SATB2: variants seen among roughly 807,000 people sequenced by gnomAD.
The protein encoded by SATB2 is DNA-binding protein SATB2.
A neutral mutation model predicts 73.4 loss-of-function variants in SATB2; 1 was observed. The ratio of observed to expected loss-of-function variants is 0.01; its 90% CI spans 0.00 to 0.06. The LOEUF (loss-of-function observed/expected upper bound fraction) is 0.06, where lower values mean the gene tolerates loss of function less well. Among genes scored for constraint, SATB2 ranks in the 10% least tolerant of loss-of-function variants. The pLI is 1.00. For synonymous variants in SATB2, 397 were observed against 367.0 expected (o/e 1.08, Z -0.93); for missense variants, 459 against 945.8 (o/e 0.49, Z 6.75).
intron 3 of SATB2, among the ~76,000 whole-genome samples, chr2:199,402,846 A>C (rs1690522929): frequency 6.6e-6 from 1 of 152,220 alleles, no homozygotes; most frequent in Non-Finnish European, 1.5e-5. Context: ...CTCAGATCTA[A>C]CAGTCTTGTC....
At chr2:199,333,285 G>C (rs1688241533) in intron 7 of SATB2, among the ~76,000 whole-genome samples, 1 of 152,092 alleles carries the variant, frequency 6.6e-6, no homozygotes, top group South Asian at 2.1e-4. Flanking sequence ...TGATGGGAAG[G>C]AGAAGGTATT....
chr2:199,371,637 T>C (rs1179785691), intron 5 of SATB2, among the ~76,000 whole-genome samples: 1 of 152,226 alleles, frequency 6.6e-6, no homozygotes, highest in African/African-American at 2.4e-5. Flanking sequence ...TTTTGCTTTT[T>C]AAAATACATA....
chr2:199,400,406 T>C (rs900868297), intron 3 of SATB2, among the ~76,000 whole-genome samples: 4 of 152,230 alleles, frequency 2.6e-5, no homozygotes, highest in African/African-American at 9.6e-5. Flanking sequence ...TTATTAGCCA[T>C]GTGTATTTAT....
chr2:199,295,904 T>A (rs748113894), intron 10 of SATB2, among the ~76,000 whole-genome samples: 15 of 152,192 alleles, frequency 9.9e-5, no homozygotes, highest in Non-Finnish European at 1.9e-4. Flanking sequence ...AATAATAAAA[T>A]AAATGAATTT....
In SATB2 at chr2:199,328,641, T is replaced by C. The variant is rs187227889; in HGVS notation, c.1386+57A>G. 1,390 of 1,337,160 alleles carry C rather than the reference T, an allele frequency of 1.0e-3. 6 individuals are homozygous for C. Among genetic ancestry groups the C allele is most frequent in the African/African-American group, 2.3e-3 (159 of 69,474 alleles). 82.8% of individuals were successfully genotyped at this position (1,337,160 alleles called of 1,614,324 possible). On this transcript the variant is annotated intron_variant, in intron 8 of 10. Transcript: ENST00000417098. Reference sequence around the variant, plus strand: ...GTTTGAGGGAAAACACAGTAACTAGTGAAGGCAAGATGTTTCCAAGACAAA... The same window carrying C: ...GTTTGAGGGAAAACACAGTAACTAGCGAAGGCAAGATGTTTCCAAGACAAA...
At chr2:199,277,033 C>T (rs754359375) in intron 10 of SATB2, among the ~76,000 whole-genome samples, 36 of 152,020 alleles carry the variant, frequency 2.4e-4, no homozygotes, top group Non-Finnish European at 4.6e-4. Flanking sequence ...GACTTACTGT[C>T]GAGTGAAAGA....
chr2:199,413,447 T>C (rs1320041113), intron 3 of SATB2, among the ~76,000 whole-genome samples: 1 of 152,204 alleles, frequency 6.6e-6, no homozygotes, highest in Non-Finnish European at 1.5e-5. Context: ...TCAGGACTCC[T>C]TGCTGGCACT....
At chr2:199,303,274 CACAATA>C (rs1687337490) in intron 10 of SATB2, among the ~76,000 whole-genome samples, 2 of 152,086 alleles carry the variant, frequency 1.3e-5, no homozygotes, top group Admixed American at 1.3e-4. Flanking sequence ...TTTGGTTGTT[CACAATA>C]ACTGAAGAAG....
intron 2 of SATB2, among the ~76,000 whole-genome samples, chr2:199,453,519 CTA>C (rs1188674507): frequency 6.6e-6 from 1 of 151,834 alleles, no homozygotes; most frequent in East Asian, 1.9e-4. Flanking sequence ...TATATTTACT[CTA>C]TGTTCAAAAA....
Position 199,272,909 on chromosome 2 carries a change from A to G in SATB2, c.1741-237T>C, listed in dbSNP as rs535840010. Among the ~76,000 whole-genome samples, 1 of 152,334 alleles carries G rather than the reference A, an allele frequency of 6.6e-6. No individual in the cohort carries two copies. Among genetic ancestry groups the G allele is most frequent in the Non-Finnish European group, 1.5e-5 (1 of 68,030 alleles). On this transcript the variant is annotated intron_variant, in intron 10 of 10. Coordinates refer to ENST00000417098, the MANE Select transcript of SATB2 (RefSeq NM_001172509.2). This position sits in a 1 kb window ranked among gnomAD's most constrained non-coding sequence, Gnocchi z 6.7. ...ATTTATATTCTGAGATGCAAAGTCA[A>G]GTCATTTATTGCCTAAGGTCATCTC...
At chr2:199,316,472 A>G (rs1237086328) in intron 9 of SATB2, among the ~76,000 whole-genome samples, 1 of 152,156 alleles carries the variant, frequency 6.6e-6, no homozygotes, top group African/African-American at 2.4e-5. Flanking sequence ...TGGTAAGTAC[A>G]GAAGATCTGC....
chr2:199,445,756 G>A (rs1036065703), intron 2 of SATB2, among the ~76,000 whole-genome samples: 1 of 152,060 alleles, frequency 6.6e-6, no homozygotes, highest in Non-Finnish European at 1.5e-5. Context: ...ATACTCCGTC[G>A]ATACTAAAGG....
chr2:199,409,375 G>A (rs1002259995), intron 3 of SATB2, among the ~76,000 whole-genome samples: 4 of 151,970 alleles, frequency 2.6e-5, no homozygotes, highest in East Asian at 1.9e-4. Context: ...TCTCCATGTC[G>A]GTCAGGCTGG....
At chr2:199,433,537 CA>C (rs1335619954) in intron 2 of SATB2, 23 bp from the exon 3 acceptor site, 1 of 1,610,934 alleles carries the variant, frequency 6.2e-7, no homozygotes, top group East Asian at 2.2e-5. Flanking sequence ...AATTCAAGAG[CA>C]AAACACAAAC....
At chr2:199,348,084 T>C (rs1020801131) in intron 7 of SATB2, 1 of 152,286 alleles carries the variant, frequency 6.6e-6, no homozygotes, top group African/African-American at 2.4e-5. Flanking sequence ...AAATAAGACG[T>C]GTGAATTAAC....
At chr2:199,338,490 G>T (rs1046530194) in intron 7 of SATB2, among the ~76,000 whole-genome samples, 1 of 152,102 alleles carries the variant, frequency 6.6e-6, no homozygotes, top group African/African-American at 2.4e-5. Context: ...ATCATTCCCT[G>T]TTAGAGAATG....
At chr2:199,285,855 C>A in intron 10 of SATB2, among the ~76,000 whole-genome samples, 1 of 140,692 alleles carries the variant, frequency 7.1e-6, no homozygotes, top group East Asian at 2.1e-4. Context: ...AATATGTGTT[C>A]AATTTCATCC....
chr2:199,382,186 C>G (rs918131840), intron 3 of SATB2, among the ~76,000 whole-genome samples: 40 of 152,066 alleles, frequency 2.6e-4, no homozygotes, highest in African/African-American at 9.7e-4. Flanking sequence ...AAAAAGTAAG[C>G]CTTAAGTAAA....
At chr2:199,409,461 C>T (rs1035962445) in intron 3 of SATB2, among the ~76,000 whole-genome samples, 2 of 152,030 alleles carry the variant, frequency 1.3e-5, no homozygotes, top group Non-Finnish European at 2.9e-5. Context: ...TAAGCCACTG[C>T]GCCCGGCCGC....
Sources: gnomAD v4.1 joint callset for allele counts (sites outside exome capture counted in the v4.1 genomes callset) on GRCh38, gnomAD v4.1.1 for gene constraint, Gnocchi (gnomAD v3.1) non-coding constraint, MANE v1.5 for transcripts, NCBI Gene and HGNC (gene_info 2026-07-23, HGNC 2026-07-21) for gene names.